TPH2: variants seen among roughly 807,000 people sequenced by gnomAD.
TPH2 encodes tryptophan hydroxylase 2, also known as tryptophan 5-hydroxylase 2.
Under a neutral mutation model 59.1 loss-of-function variants are expected in TPH2, and 27 were observed. The ratio of observed to expected loss-of-function variants is 0.46; its 90% CI spans 0.34 to 0.63. The LOEUF (loss-of-function observed/expected upper bound fraction) is 0.63, where lower values mean the gene tolerates loss of function less well. TPH2 is among the 30% of genes least tolerant of loss of function. The probability of loss-of-function intolerance (pLI) is 0.01; values close to 1 mark genes in which losing one functional copy is unlikely to be tolerated. For synonymous variants in TPH2, 220 were observed against 210.5 expected, an observed-to-expected ratio of 1.05 and a Z score of -0.39; for missense variants, 523 against 588.3, an observed-to-expected ratio of 0.89 and a Z score of 1.15.
intron 5 of TPH2, chr12:71,962,209 T>C (rs2139195632): frequency 1.0e-6 from 1 of 985,980 alleles, no homozygotes; most frequent in East Asian, 1.1e-4. Flanking sequence ...AATTCAGGCA[T>C]CATTTAGATG....
chr12:72,020,739 G>A (rs971124808), intron 8 of TPH2, among the ~76,000 whole-genome samples: 2 of 152,106 alleles, frequency 1.3e-5, no homozygotes, highest in South Asian at 4.2e-4. Flanking sequence ...TGATCCCTTT[G>A]GCCTCCCAAA....
chr12:71,984,719 G>T, intron 7 of TPH2, among the ~76,000 whole-genome samples: 1 of 152,162 alleles, frequency 6.6e-6, no homozygotes, highest in Non-Finnish European at 1.5e-5. Context: ...TACCATTCTT[G>T]CTGCTCAGGA....
At chr12:71,973,529 G>T (rs1320656376) in intron 6 of TPH2, among the ~76,000 whole-genome samples, 1 of 152,136 alleles carries the variant, frequency 6.6e-6, no homozygotes, top group East Asian at 1.9e-4. Context: ...TCTGGGAATT[G>T]CCCACCCCTT....
At chr12:71,984,994 C>G (rs961091673) in intron 7 of TPH2, among the ~76,000 whole-genome samples, 1 of 152,162 alleles carries the variant, frequency 6.6e-6, no homozygotes, top group East Asian at 1.9e-4. Context: ...AGCAACAATA[C>G]GTTTATTATG....
chr12:71,964,769 GTGA>G (rs1457715435), intron 5 of TPH2: 1 of 984,866 alleles, frequency 1.0e-6, no homozygotes, highest in Non-Finnish European at 1.2e-6. Flanking sequence ...TATAAATTTT[GTGA>G]TGATGAATTT....
intron 8 of TPH2, among the ~76,000 whole-genome samples, chr12:72,021,307 G>T (rs777931351): frequency 6.6e-6 from 1 of 151,586 alleles, no homozygotes; most frequent in African/African-American, 2.4e-5. Context: ...AGATATTAAT[G>T]TCCTGGGGAA....
Position 72,028,815 on chromosome 12 carries a change from C to A in TPH2, c.1165-2443C>A, listed in dbSNP as rs531904338. Among the ~76,000 whole-genome samples the A allele has an allele frequency of 6.3e-4, 96 of 152,282 alleles. 1 individual carries two copies. The highest frequency in any genetic ancestry group is 2.2e-3 in the African/African-American group (93 of 41,560). ...AGGCTGCGTTTTTGAGAACTTAAGA[C>A]AATTAACTTCCAGTTTTTCCTTTAA... On this transcript the variant is annotated intron_variant, in intron 9 of 10. Coordinates refer to ENST00000333850, the MANE Select transcript of TPH2 (RefSeq NM_173353.4).
At chr12:71,995,079 A>G (rs551213452) in intron 8 of TPH2, among the ~76,000 whole-genome samples, 1 of 152,214 alleles carries the variant, frequency 6.6e-6, no homozygotes, top group Non-Finnish European at 1.5e-5. Context: ...AGGTGGTTGT[A>G]GTCAGACATA....
chr12:72,014,516 G>A (rs990881566), intron 8 of TPH2, among the ~76,000 whole-genome samples: 14 of 150,952 alleles, frequency 9.3e-5, no homozygotes, highest in African/African-American at 1.2e-4. Flanking sequence ...TCAGCCTCCA[G>A]AGTAGCTGGG....
At position 71,951,824 on chromosome 12, in the gene TPH2, A is replaced by G. The variant is rs370706372; in HGVS notation, c.608+2169A>G. Among the ~76,000 whole-genome samples, 136 of 152,056 alleles carry G rather than the reference A, an allele frequency of 8.9e-4. 4 individuals carry two copies. The East Asian group carries it at 0.014, about 16-fold the overall frequency. On this transcript the variant is annotated intron_variant, in intron 5 of 10. Transcript: ENST00000333850. ...GCAGATCACCTGAGGTCAGGAGTTCAAGACCAGCCTGACCAACATGGAGAA... is the reference window on the plus strand; with the variant it reads ...GCAGATCACCTGAGGTCAGGAGTTCGAGACCAGCCTGACCAACATGGAGAA...
rs541940114 is a variant in TPH2 at position 71,950,909 on chromosome 12, G to A, written c.608+1254G>A. ...CTGGGCATCCCTAGCTTCCTTTGAT[G>A]CTTAGGTGCTCTTCCCTTCATCCTC... On this transcript the variant is annotated intron_variant, in intron 5 of 10. Coordinates refer to ENST00000333850, the MANE Select transcript of TPH2 (RefSeq NM_173353.4). 7.9e-5 allele frequency among the ~76,000 whole-genome samples: 12 copies of A among 152,236 alleles called. No homozygotes were observed. In the East Asian group the frequency reaches 2.1e-3, roughly 27 times the overall value.
intron 7 of TPH2, among the ~76,000 whole-genome samples, chr12:71,985,551 A>C (rs1464098022): frequency 6.6e-6 from 1 of 152,084 alleles, no homozygotes; most frequent in Non-Finnish European, 1.5e-5. Context: ...GGGGCCCGCC[A>C]CTATGTCTGG....
At chr12:72,024,195 T>C (rs1309400027) in intron 9 of TPH2, among the ~76,000 whole-genome samples, 2 of 152,204 alleles carry the variant, frequency 1.3e-5, no homozygotes, top group Admixed American at 6.5e-5. Flanking sequence ...GCCTGGCTCA[T>C]ATTAGGCCAT....
At position 72,031,884 on chromosome 12, in the gene TPH2, A is replaced by G; in HGVS notation, c.*189A>G. The G allele has an allele frequency of 1.5e-6, 1 of 660,506 alleles. No individual in the cohort carries two copies. The highest frequency in any genetic ancestry group is 2.7e-6 in the Non-Finnish European group (1 of 374,336). The allele number at this position is 660,506 out of a possible 1,614,324, so 40.9% of individuals were successfully genotyped here. ...ACCATAAGAAATCCAATGGCAGATA[A>G]CCACTCATTGTATGAAATAACGTAT... On this transcript the variant is annotated 3_prime_UTR_variant, in exon 11 of 11. Transcript: ENST00000333850.
In TPH2 at chr12:71,990,263, G is replaced by A. The variant is rs143688831; in HGVS notation, c.942-4176G>A. On this transcript the variant is annotated intron_variant, in intron 7 of 10. Coordinates refer to ENST00000333850, the MANE Select transcript of TPH2 (RefSeq NM_173353.4). ...TTCATAATTAGATACTCAGGGGTTC[G>A]GCTGTGGATGATACAACCAAAGTAG... Among the ~76,000 whole-genome samples, 1,382 of 152,226 alleles carry A rather than the reference G, an allele frequency of 9.1e-3. 26 individuals carry two copies. Among genetic ancestry groups the A allele is most frequent in the African/African-American group, 0.032 (1,328 of 41,524 alleles).
chr12:72,000,216 T>C (rs1872787386), intron 8 of TPH2, among the ~76,000 whole-genome samples: 1 of 152,224 alleles, frequency 6.6e-6, no homozygotes, highest in Non-Finnish European at 1.5e-5. Context: ...TGGTTAATGT[T>C]CTACAGGGCA....
At position 71,969,168 on chromosome 12, in the gene TPH2, A is replaced by G. The variant is rs568709627; in HGVS notation, c.609-3351A>G. Among the ~76,000 whole-genome samples the G allele has an allele frequency of 8.7e-4, 133 of 152,276 alleles. 4 individuals carry two copies. The East Asian group carries it at 0.014, about 16-fold the overall frequency. ...CGTGGTGGCGGGCGCCTGTAGTCCCAGCTACCCCGGAGGCTGAGGCAGGAG... is the reference window on the plus strand; with the variant it reads ...CGTGGTGGCGGGCGCCTGTAGTCCCGGCTACCCCGGAGGCTGAGGCAGGAG... On this transcript the variant is annotated intron_variant, in intron 5 of 10. Transcript: ENST00000333850.
chr12:72,030,313 A>C (rs1873686313), intron 9 of TPH2, among the ~76,000 whole-genome samples: 1 of 152,166 alleles, frequency 6.6e-6, no homozygotes, highest in African/African-American at 2.4e-5. Context: ...TCTAGGTTTC[A>C]TCCAGACCTG....
chr12:71,972,690 C>G lies in TPH2; in HGVS notation c.780C>G (p.Leu260=). 6.2e-7 allele frequency: 1 copy of G among 1,614,016 alleles called. No homozygotes were observed. ...CGYREDNVPQ[L]EDVSMFLKER... is the part of the protein sequence containing the mutation. ...ACAGAGAGGACAATGTGCCTCAACTCGAAGATGTCTCCATGTTTCTGAAAG... is the reference window on the plus strand; with the variant it reads ...ACAGAGAGGACAATGTGCCTCAACTGGAAGATGTCTCCATGTTTCTGAAAG... The change falls in exon 6 of 11, where the codon CTC becomes CTG. Residue 260 remains leucine (L), a synonymous_variant. Transcript: ENST00000333850.
Sources: gnomAD v4.1 joint callset for allele counts (sites outside exome capture counted in the v4.1 genomes callset) on GRCh38, gnomAD v4.1.1 for gene constraint, MANE v1.5 for transcripts, NCBI Gene and HGNC (gene_info 2026-07-23, HGNC 2026-07-21) for gene names.